The following IMMP2L variants were observed in gnomAD, a reference collection of about 807,000 sequenced individuals.
IMMP2L encodes mitochondrial inner membrane protease subunit 2.
A neutral mutation model predicts 19.3 loss-of-function variants in IMMP2L; 18 were observed. That is an observed-to-expected ratio of 0.93 (90% CI 0.64 to 1.38). IMMP2L has a LOEUF of 1.38. Ranked by LOEUF, IMMP2L falls within the 40% of genes most tolerant of loss-of-function variation. The pLI is 0.00. For missense variants in IMMP2L, 233 were observed against 218.2 expected, an observed-to-expected ratio of 1.07 and a Z score of -0.43; for synonymous variants, 76 against 73.0, an observed-to-expected ratio of 1.04 and a Z score of -0.21.
At chr7:111,365,517 C>A (rs1299106951) in intron 3 of IMMP2L, among the ~76,000 whole-genome samples, 1 of 151,998 alleles carries the variant, frequency 6.6e-6, no homozygotes, top group Non-Finnish European at 1.5e-5. Context: ...ATAAATAAGG[C>A]AACAAGAATT....
chr7:110,887,326 G>A (rs568329926), intron 4 of IMMP2L, among the ~76,000 whole-genome samples: 8 of 152,054 alleles, frequency 5.3e-5, no homozygotes, highest in African/African-American at 1.2e-4. Flanking sequence ...TGATACACAC[G>A]TTGCAAAACA....
intron 3 of IMMP2L, among the ~76,000 whole-genome samples, chr7:111,000,526 T>C (rs1321159870): frequency 6.6e-6 from 1 of 152,146 alleles, no homozygotes; most frequent in Admixed American, 6.6e-5. Flanking sequence ...TTATAACTTA[T>C]TTTTCATTTT....
intron 3 of IMMP2L, among the ~76,000 whole-genome samples, chr7:111,444,984 T>A (rs1260819295): frequency 1.3e-5 from 2 of 152,128 alleles, no homozygotes; most frequent in Non-Finnish European, 2.9e-5. Flanking sequence ...AGATGCAGGT[T>A]TATAGTCTAA....
intron 3 of IMMP2L, among the ~76,000 whole-genome samples, chr7:111,294,847 G>A: frequency 6.6e-6 from 1 of 151,844 alleles, no homozygotes; most frequent in East Asian, 1.9e-4. Context: ...AATTTTCTCA[G>A]TCAGTATTTC....
intron 4 of IMMP2L, among the ~76,000 whole-genome samples, chr7:110,893,388 C>T (rs563028935): frequency 2.0e-5 from 3 of 152,040 alleles, no homozygotes; most frequent in Non-Finnish European, 2.9e-5. Flanking sequence ...ACACACAATA[C>T]GTATTCTTTT....
At chr7:111,421,538 G>C (rs1244551647) in intron 3 of IMMP2L, among the ~76,000 whole-genome samples, 3 of 151,530 alleles carry the variant, frequency 2.0e-5, no homozygotes, top group African/African-American at 7.3e-5. Flanking sequence ...CCAAAGTGCT[G>C]GGATTACAAG....
chr7:111,479,027 C>T (rs1841961878), intron 3 of IMMP2L, among the ~76,000 whole-genome samples: 3 of 152,108 alleles, frequency 2.0e-5, no homozygotes, highest in Non-Finnish European at 4.4e-5. Context: ...ATAGTTCTTC[C>T]TAACTCCTAG....
chr7:111,181,357 T>C (rs1165527543), intron 3 of IMMP2L, among the ~76,000 whole-genome samples: 3 of 152,068 alleles, frequency 2.0e-5, no homozygotes, highest in East Asian at 1.9e-4. Flanking sequence ...TACTTATCAC[T>C]ATTCTGCTAT....
chr7:111,371,643 G>A (rs1043395219), intron 3 of IMMP2L, among the ~76,000 whole-genome samples: 7 of 152,000 alleles, frequency 4.6e-5, no homozygotes, highest in Non-Finnish European at 5.9e-5. Flanking sequence ...TATGTACAGA[G>A]ACTGAACTTA....
chr7:111,145,763 C>T (rs1018643561), intron 3 of IMMP2L, among the ~76,000 whole-genome samples: 4 of 151,942 alleles, frequency 2.6e-5, no homozygotes, highest in Non-Finnish European at 4.4e-5. Context: ...CTAAGAAGCA[C>T]AATTCTATGA....
intron 3 of IMMP2L, among the ~76,000 whole-genome samples, chr7:111,015,727 G>T (rs1411246667): frequency 2.0e-5 from 3 of 151,992 alleles, no homozygotes; most frequent in Non-Finnish European, 4.4e-5. Flanking sequence ...TCTTTAGGGG[G>T]TAATGAAAAT....
intron 3 of IMMP2L, among the ~76,000 whole-genome samples, chr7:111,026,343 C>A (rs973639296): frequency 6.6e-6 from 1 of 151,962 alleles, no homozygotes; most frequent in South Asian, 2.1e-4. Flanking sequence ...TCTAAGATGG[C>A]GTGTCACAGA....
rs544458559 is a variant in IMMP2L, at chr7:111,096,264, T to C, written c.240-132699A>G. Among the ~76,000 whole-genome samples, 34 of 151,876 alleles carry C rather than the reference T, an allele frequency of 2.2e-4. No individual in the cohort carries two copies. The South Asian group carries it at 7.1e-3, about 31-fold the overall frequency. ...GTGAGGTTAGAGACTTGCTAGCATG[T>C]TGAGGTGCAAGGGTCTCTGACTCCA... On this transcript the variant is annotated intron_variant, in intron 3 of 5. Coordinates refer to ENST00000405709, the MANE Select transcript of IMMP2L (RefSeq NM_032549.4).
intron 4 of IMMP2L, among the ~76,000 whole-genome samples, chr7:110,938,771 A>G (rs1816391524): frequency 6.6e-6 from 1 of 152,126 alleles, no homozygotes; most frequent in Non-Finnish European, 1.5e-5. Flanking sequence ...TTTAATGGTC[A>G]CCTAAGGGGA....
chr7:110,830,614 G>T (rs1157092579), intron 5 of IMMP2L, among the ~76,000 whole-genome samples: 1 of 152,142 alleles, frequency 6.6e-6, no homozygotes, highest in Non-Finnish European at 1.5e-5. Flanking sequence ...TTTTAAAAAT[G>T]CACTCAGTGA....
At chr7:110,811,269 G>C (rs1453343274) in intron 5 of IMMP2L, among the ~76,000 whole-genome samples, 2 of 151,892 alleles carry the variant, frequency 1.3e-5, no homozygotes, top group African/African-American at 4.8e-5. Context: ...TCATACAGTG[G>C]AGAAGCACAA....
At chr7:110,821,318 T>C (rs568186709) in intron 5 of IMMP2L, among the ~76,000 whole-genome samples, 1 of 152,244 alleles carries the variant, frequency 6.6e-6, no homozygotes, top group African/African-American at 2.4e-5. Context: ...CAATAAATGA[T>C]CAGACTTTAC....
At chr7:110,682,269 C>T (rs1792774117) in intron 5 of IMMP2L, among the ~76,000 whole-genome samples, 2 of 152,168 alleles carry the variant, frequency 1.3e-5, no homozygotes, top group African/African-American at 2.4e-5. Flanking sequence ...ACAGTGCCTA[C>T]ATGCCACCTC....
chr7:110,895,299 T>C (rs1161283649), intron 4 of IMMP2L, among the ~76,000 whole-genome samples: 1 of 152,000 alleles, frequency 6.6e-6, no homozygotes, highest in Non-Finnish European at 1.5e-5. Context: ...ATTGTGGGAG[T>C]TGCAATTCAA....
Sources: gnomAD v4.1 joint callset for allele counts (sites outside exome capture counted in the v4.1 genomes callset) on GRCh38, gnomAD v4.1.1 for gene constraint, MANE v1.5 for transcripts, NCBI Gene and HGNC (gene_info 2026-07-23, HGNC 2026-07-21) for gene names.